FAM209A: variants seen among roughly 807,000 people sequenced by gnomAD.
FAM209A encodes family with sequence similarity 209 member A.
FAM209A carries 4 observed loss-of-function variants against 9.8 expected under a neutral mutation model. The ratio of observed to expected loss-of-function variants is 0.41; its 90% confidence interval spans 0.20 to 0.94. The LOEUF (loss-of-function observed/expected upper bound fraction) is 0.94, where lower values mean the gene tolerates loss of function less well. Ranked by LOEUF, FAM209A falls within the 40% of genes least tolerant of loss-of-function variation. The pLI is 0.32. For missense variants in FAM209A, 205 were observed against 209.4 expected, an observed-to-expected ratio of 0.98 and a Z score of 0.13; for synonymous variants, 55 against 77.8, an observed-to-expected ratio of 0.71 and a Z score of 1.54.
chr20:56,531,625 A>G, the FAM209A span, among the ~76,000 whole-genome samples: 2 of 147,172 alleles, frequency 1.4e-5, no homozygotes, highest in African/African-American at 5.0e-5. Flanking sequence ...TAATCGAACT[A>G]TACTCTTTTT....
downstream of FAM209A, among the ~76,000 whole-genome samples, chr20:56,530,662 A>AT (rs2146399473): frequency 8.5e-6 from 1 of 117,606 alleles, no homozygotes; most frequent in African/African-American, 3.9e-5. Context: ...ACACTCAGCT[A>AT]ATTTTTTTTT....
chr20:56,531,417 G>C, the FAM209A span, among the ~76,000 whole-genome samples: 11 of 150,516 alleles, frequency 7.3e-5, no homozygotes, highest in African/African-American at 2.7e-4. Context: ...TCCTGCCTCA[G>C]CCTCCCGAGT....
chr20:56,527,869 G>A (rs529346154), downstream of FAM209A, among the ~76,000 whole-genome samples: 2 of 152,226 alleles, frequency 1.3e-5, no homozygotes, highest in Non-Finnish European at 2.9e-5. Context: ...CACTTTGGGA[G>A]GCCAAGGTGG....
downstream of FAM209A, among the ~76,000 whole-genome samples, chr20:56,529,307 A>G (rs1045912012): frequency 1.3e-5 from 2 of 152,172 alleles, no homozygotes; most frequent in South Asian, 2.1e-4. Context: ...ACCTGAGGTC[A>G]GGAGTTCAAG....
downstream of FAM209A, among the ~76,000 whole-genome samples, chr20:56,527,573 C>G (rs1191879694): frequency 6.6e-6 from 1 of 152,230 alleles, no homozygotes; most frequent in Non-Finnish European, 1.5e-5. Context: ...GGGCCGGTAC[C>G]CAGTTGACCA....
At chr20:56,526,663 G>A (rs1985543047), downstream of FAM209A, among the ~76,000 whole-genome samples, 2 of 151,770 alleles carry the variant, frequency 1.3e-5, no homozygotes, top group African/African-American at 4.8e-5. Context: ...AAAAAAAAGG[G>A]GGATGAGGCA....
At chr20:56,532,507 CAG>C in the FAM209A span, among the ~76,000 whole-genome samples, 1,820 of 120,656 alleles carry the variant, frequency 0.015, 57 homozygotes, top group African/African-American at 0.054. Context: ...TTTTTTGAGA[CAG>C]AGTCTTGCTC....
downstream of FAM209A, among the ~76,000 whole-genome samples, chr20:56,527,450 A>G (rs556546430): frequency 1.5e-4 from 23 of 152,334 alleles, no homozygotes; most frequent in African/African-American, 5.5e-4. Flanking sequence ...GCCCTCCTGC[A>G]GCCAGGATCA....
chr20:56,528,934 C>G (rs973908383), downstream of FAM209A, among the ~76,000 whole-genome samples: 7 of 152,222 alleles, frequency 4.6e-5, no homozygotes, highest in Admixed American at 2.0e-4. Flanking sequence ...GAAGACCCGG[C>G]ATGGTGGCTC....
chr20:56,524,966 A>C lies in FAM209A; in HGVS notation c.158A>C (p.Gln53Pro). 1 of 1,614,204 alleles carries C rather than the reference A, an allele frequency of 6.2e-7. No homozygotes were observed. The change falls in exon 1 of 2, where the codon CAA becomes CCA. Residue 53 changes from glutamine to proline, a missense_variant. Transcript: ENST00000371328. ...RIRQNLPEHT[Q>P]GWLGSKWLWL... Reference sequence around the variant, plus strand: ...CGGCAGAATCTACCAGAGCACACCCAAGGCTGGCTTGGGAGCAAATGGCTC... The same window carrying C: ...CGGCAGAATCTACCAGAGCACACCCCAGGCTGGCTTGGGAGCAAATGGCTC...
downstream of FAM209A, among the ~76,000 whole-genome samples, chr20:56,528,946 C>T (rs1849472215): frequency 6.6e-6 from 1 of 152,226 alleles, no homozygotes; most frequent in South Asian, 2.1e-4. Flanking sequence ...TGGTGGCTCA[C>T]ACCTGTAATC....
downstream of FAM209A, among the ~76,000 whole-genome samples, chr20:56,529,947 G>A (rs566337068): frequency 6.6e-6 from 1 of 152,322 alleles, no homozygotes; most frequent in South Asian, 2.1e-4. Flanking sequence ...CTTGAACCTG[G>A]GAGGCAGAGC....
chr20:56,525,951 C>T lies in FAM209A; in HGVS notation c.397C>T (p.Leu133Phe). The change falls in exon 2 of 2, where the codon CTT (leucine) becomes TTT (phenylalanine). Residue 133 changes from leucine (L) to phenylalanine (F), a missense_variant. By Grantham distance (22) the Leu-to-Phe change is conservative. Transcript: ENST00000371328. The stretch of plus-strand genomic sequence containing the variant: ...GAAATTTGTGTCCAAAGTGCGGAAT[C>T]TTAAACGTGCCATGGCAACAGGTAG... ...LMKFVSKVRN[L>F]KRAMATGSGS... 15 of 1,614,192 alleles carry T rather than the reference C, an allele frequency of 9.3e-6. No homozygotes were observed. Among genetic ancestry groups the T allele is most frequent in the Non-Finnish European group, 1.3e-5 (15 of 1,180,042 alleles).
At chr20:56,528,763 C>G (rs867194785), downstream of FAM209A, among the ~76,000 whole-genome samples, 23 of 152,166 alleles carry the variant, frequency 1.5e-4, no homozygotes, top group African/African-American at 5.6e-4. Context: ...TACCCTAGAG[C>G]AAGGAAAGCT....
At chr20:56,533,072 A>G in the FAM209A span, 1 of 824,426 alleles carries the variant, frequency 1.2e-6, no homozygotes, top group Admixed American at 6.2e-5. Flanking sequence ...AGGGTTGGAA[A>G]GAGTCCCCTG....
downstream of FAM209A, among the ~76,000 whole-genome samples, chr20:56,530,709 ATGTTGGTCAGGCTGG>A (rs1985714911): frequency 7.0e-6 from 1 of 142,626 alleles, no homozygotes; most frequent in South Asian, 2.2e-4. Context: ...GTGTTTCACC[ATGTTGGTCAGGCTGG>A]TCTCGAACTC....
the FAM209A span, chr20:56,533,456 G>A: frequency 5.6e-6 from 9 of 1,612,480 alleles, no homozygotes; most frequent in Admixed American, 1.7e-5. Context: ...GGTGCCGTGT[G>A]GAGAGCACTT....
downstream of FAM209A, among the ~76,000 whole-genome samples, chr20:56,528,617 G>A (rs913270293): frequency 6.6e-6 from 1 of 151,588 alleles, no homozygotes; most frequent in Non-Finnish European, 1.5e-5. Context: ...AAAAAGTTGG[G>A]GTGCTTTAGT....
downstream of FAM209A, among the ~76,000 whole-genome samples, chr20:56,528,778 A>G (rs1185341903): frequency 2.0e-5 from 3 of 152,246 alleles, no homozygotes; most frequent in Admixed American, 6.5e-5. Context: ...AAAGCTGCAC[A>G]GAGAGACCAA....
Sources: allele counts gnomAD v4.1 joint callset (sites outside exome capture counted in the v4.1 genomes callset), GRCh38; gene constraint gnomAD v4.1.1; transcripts MANE v1.5; gene names NCBI Gene and HGNC (gene_info 2026-07-23, HGNC 2026-07-21).